DCD: variants seen among roughly 807,000 people sequenced by gnomAD.
DCD encodes dermcidin, also known as diffusible survival/evasion peptide.
In DCD, 17 loss-of-function variants were observed where a neutral mutation model predicts 14.5. The observed-to-expected ratio is 1.18, with a 90% CI of 0.81 to 1.76. DCD has a LOEUF of 1.76. Among genes scored for constraint, DCD ranks in the 40% most tolerant of loss-of-function variants. The pLI is 0.00. For synonymous variants in DCD, 64 were observed against 54.0 expected (o/e 1.19, Z -0.82); for missense variants, 139 against 133.4 (o/e 1.04, Z -0.21).
chr12:54,645,786 C>A, intron 2 of DCD, 79 bp from the exon 3 acceptor site: 1 of 1,223,124 alleles, frequency 8.2e-7, no homozygotes, highest in South Asian at 1.3e-5. Flanking sequence ...GGTGCTTTTA[C>A]CCCCTCAAGG....
chr12:54,644,658 C>A lies in DCD; in HGVS notation c.*55G>T. ...TTTTTTTTTTTTTTTAGGTTTTAGG[C>A]TGAAGACGTAAAGCCTGCTGCTCCT... On this transcript the variant is annotated 3_prime_UTR_variant, in exon 5 of 5. Coordinates refer to ENST00000293371, the MANE Select transcript of DCD (RefSeq NM_053283.4). 7.8e-6 allele frequency: 6 copies of A among 773,658 alleles called. No homozygotes were observed. Among genetic ancestry groups the A allele is most frequent in the Non-Finnish European group, 1.2e-5 (6 of 483,488 alleles). 47.9% of individuals were successfully genotyped at this position (773,658 alleles called of 1,614,324 possible). A position where few individuals can be genotyped will look rare whatever the true frequency, so the allele number is the denominator to read the frequency against.
rs755837645 is a variant in DCD, at chr12:54,645,623, T to G, written c.182A>C (p.Gln61Pro). The G allele has an allele frequency of 1.2e-6, 2 of 1,614,162 alleles. No individual in the cohort carries two copies. Among genetic ancestry groups the G allele is most frequent in the Non-Finnish European group, 1.7e-6 (2 of 1,179,980 alleles). ...LARQAPKPRK[Q>P]RSSLLEKGLD... ...AGGCTTACCCAGAAGGCTGGATCTC[T>G]GCTTCCTTGGCTTTGGTGCCTGTCT... Residue 61 changes from glutamine to proline, a missense_variant, in exon 3 of 5, where the codon CAG becomes CCG. Coordinates refer to ENST00000293371, the MANE Select transcript of DCD (RefSeq NM_053283.4).
chr12:54,645,325 G>T, intron 3 of DCD, 63 bp from the exon 4 acceptor site: 2 of 1,493,868 alleles, frequency 1.3e-6, no homozygotes, highest in Non-Finnish European at 1.9e-6. Context: ...TTGTAGGAGA[G>T]CTCCCCCGCT....
Position 54,648,258 on chromosome 12 carries a change from G to A in DCD, c.46C>T (p.Leu16=). ...LLFLTALAGA[L]VCAYDPEAAS... ...GAGCCATACTCACAGGCACAGACCA[G>A]GGCTCCTGCCAGAGCTGTCAGGAAG... Residue 16 remains leucine, a synonymous_variant, in exon 1 of 5, where the codon CTG becomes TTG. Coordinates refer to ENST00000293371, the MANE Select transcript of DCD (RefSeq NM_053283.4). 1 of 1,613,956 alleles carries A rather than the reference G, an allele frequency of 6.2e-7. No individual in the cohort carries two copies. The highest frequency in any genetic ancestry group is 8.5e-7 in the Non-Finnish European group (1 of 1,179,968).
rs746091503 is a variant in DCD, at chr12:54,648,338, C to T, written c.-35G>A. The T allele has an allele frequency of 3.1e-6, 5 of 1,613,224 alleles. 1 individual carries two copies. The South Asian group carries it at 4.4e-5, about 14-fold the overall frequency. ...TGCTGGAGTGGGTATGCCACCAAAT[C>T]CTTGGAGATCTTGGGATCTAGGGTG... On this transcript the variant is annotated 5_prime_UTR_variant, in exon 1 of 5. Coordinates refer to ENST00000293371, the MANE Select transcript of DCD (RefSeq NM_053283.4).
At position 54,644,623 on chromosome 12, in the gene DCD, A is replaced by AT; in HGVS notation, c.*89_*90insA. The AT allele has an allele frequency of 3.4e-6, 3 of 879,028 alleles. No homozygotes were observed. Among genetic ancestry groups the AT allele is most frequent in the South Asian group, 1.6e-5 (1 of 61,398 alleles). The allele number at this position is 879,028 out of a possible 1,614,324, so 54.5% of individuals were successfully genotyped here. A position where few individuals can be genotyped will look rare whatever the true frequency, so the allele number is the denominator to read the frequency against. ...TGCTTTCAGTTTAATAGCTGTTTTA[A>AT]ATTTTTTTTTTTTTTTTTTTTTTTA... On this transcript the variant is annotated 3_prime_UTR_variant, in exon 5 of 5. Coordinates refer to ENST00000293371, the MANE Select transcript of DCD (RefSeq NM_053283.4).
At chr12:54,646,039 G>A (rs761415122) in intron 2 of DCD, 1 of 462,806 alleles carries the variant, frequency 2.2e-6, no homozygotes, top group Non-Finnish European at 4.3e-6. Context: ...AGTGTGGGGA[G>A]GTTTTGCAGA....
chr12:54,647,067 A>T, intron 2 of DCD, 54 bp downstream of exon 2: 1 of 1,533,690 alleles, frequency 6.5e-7, no homozygotes. Flanking sequence ...CTCATATCCC[A>T]AGTCATTAAC....
intron 1 of DCD, among the ~76,000 whole-genome samples, 158 bp downstream of exon 1, chr12:54,648,088 A>G (rs1039873143): frequency 2.6e-5 from 4 of 152,172 alleles, no homozygotes; most frequent in African/African-American, 9.7e-5. Flanking sequence ...TCCTCTGACC[A>G]TAGAGTCCCT....
At chr12:54,645,903 C>A (rs1041835831) in intron 2 of DCD, 196 bp from the exon 3 acceptor site, 4 of 585,352 alleles carry the variant, frequency 6.8e-6, no homozygotes, top group Non-Finnish European at 1.2e-5. Context: ...GCCTCCAAGA[C>A]TTTTCCTGCT....
chr12:54,645,352 C>T (rs904350101), intron 3 of DCD, 90 bp from the exon 4 acceptor site: 7 of 1,311,500 alleles, frequency 5.3e-6, no homozygotes, highest in Admixed American at 1.7e-5. Context: ...GCACCATGGG[C>T]ACCCCTAAGG....
chr12:54,648,147 G>A, intron 1 of DCD, 99 bp downstream of exon 1: 1 of 1,346,586 alleles, frequency 7.4e-7, no homozygotes, highest in Admixed American at 1.8e-5. Flanking sequence ...AGACAGACTT[G>A]GGTGAACTGC....
At chr12:54,648,086 C>T (rs569566830) in intron 1 of DCD, among the ~76,000 whole-genome samples, 160 bp downstream of exon 1, 15 of 152,068 alleles carry the variant, frequency 9.9e-5, no homozygotes, top group Non-Finnish European at 1.6e-4. Flanking sequence ...CTTCCTCTGA[C>T]CATAGAGTCC....
At chr12:54,645,521 G>T in intron 3 of DCD, 85 bp downstream of exon 3, 1 of 1,234,602 alleles carries the variant, frequency 8.1e-7, no homozygotes, top group Non-Finnish European at 1.2e-6. Context: ...CCCTGTGCTT[G>T]TGCCTGTGAG....
chr12:54,647,769 G>A, intron 1 of DCD, among the ~76,000 whole-genome samples: 1 of 152,080 alleles, frequency 6.6e-6, no homozygotes, highest in East Asian at 1.9e-4. Context: ...AAATACAGGA[G>A]GCAAGAAAAT....
chr12:54,645,334 C>T, intron 3 of DCD, 72 bp from the exon 4 acceptor site: 2 of 1,441,244 alleles, frequency 1.4e-6, no homozygotes, highest in Non-Finnish European at 2.0e-6. Flanking sequence ...AGCTCCCCCG[C>T]TTCCTAGGCA....
chr12:54,648,191 GGGCCCA>G, intron 1 of DCD, 49 bp downstream of exon 1: 5 of 1,597,124 alleles, frequency 3.1e-6, no homozygotes, highest in Non-Finnish European at 4.3e-6. Flanking sequence ...AATGAAGGCA[GGGCCCA>G]GTCTTCAGGG....
intron 4 of DCD, 123 bp downstream of exon 4, chr12:54,645,050 T>C (rs1465263504): frequency 1.9e-5 from 28 of 1,478,096 alleles, no homozygotes; most frequent in Middle Eastern, 2.3e-4. Flanking sequence ...GGATGAGGAA[T>C]TGGAGACATT....
At chr12:54,645,809 A>T (rs1958256033) in intron 2 of DCD, 102 bp from the exon 3 acceptor site, 2 of 868,806 alleles carry the variant, frequency 2.3e-6, no homozygotes, top group South Asian at 1.5e-5. Flanking sequence ...TGGCTTGAGG[A>T]TAGCTCCCTC....
Sources: gnomAD v4.1 joint callset for allele counts (sites outside exome capture counted in the v4.1 genomes callset) on GRCh38, gnomAD v4.1.1 for gene constraint, MANE v1.5 for transcripts, NCBI Gene and HGNC (gene_info 2026-07-23, HGNC 2026-07-21) for gene names.